The following PAK5 variants were observed in gnomAD, a reference collection of about 807,000 sequenced individuals.
PAK5 encodes the protein serine/threonine-protein kinase PAK 5.
In PAK5, 16 loss-of-function variants were observed where a neutral mutation model predicts 65.9. The observed-to-expected ratio is 0.24, with a 90% CI of 0.16 to 0.37. The LOEUF (loss-of-function observed/expected upper bound fraction) is 0.37. PAK5 is among the 10% of genes least tolerant of loss of function. The probability of loss-of-function intolerance (pLI) is 1.00; values close to 1 mark genes in which losing one functional copy is unlikely to be tolerated. For missense variants in PAK5, 785 were observed against 903.9 expected (o/e 0.87, Z 1.69); for synonymous variants, 371 against 354.9 (o/e 1.05, Z -0.51).
At chr20:9,619,582 T>C (rs570046818) in intron 3 of PAK5, among the ~76,000 whole-genome samples, 1 of 152,316 alleles carries the variant, frequency 6.6e-6, no homozygotes. Context: ...TATTTGAACA[T>C]TCCTAAAGAT....
At chr20:9,836,147 T>C (rs1569107203) in intron 1 of PAK5, among the ~76,000 whole-genome samples, 1 of 148,988 alleles carries the variant, frequency 6.7e-6, no homozygotes. Context: ...ATCTTTAAAG[T>C]ATTTTCTGAA....
rs1226027326 is a variant in PAK5 at position 9,544,405 on chromosome 20, G to T, written c.1833C>A (p.Ala611=). 1 of 1,613,882 alleles carries T rather than the reference G, an allele frequency of 6.2e-7. No homozygotes were observed. Among genetic ancestry groups the T allele is most frequent in the Non-Finnish European group, 8.5e-7 (1 of 1,179,924 alleles). Residue 611 remains alanine (A), a synonymous_variant, in exon 8 of 10, where the codon GCC becomes GCA. Transcript: ENST00000353224. ...AAGGTAGCCTAGAAATCACCTCAGG[G>T]GCCATCCAGTAGGGAGTGCCAACCA... The part of the protein sequence containing the change: ...KSLVGTPYWM[A]PEVISRLPYG...
chr20:9,785,094 T>C (rs968620331), intron 1 of PAK5, among the ~76,000 whole-genome samples: 1 of 152,100 alleles, frequency 6.6e-6, no homozygotes, highest in African/African-American at 2.4e-5. Context: ...TTGTATCAAG[T>C]TAAAACTTTA....
chr20:9,800,929 TG>T (rs2049162152), intron 1 of PAK5, among the ~76,000 whole-genome samples: 2 of 147,606 alleles, frequency 1.4e-5, no homozygotes, highest in Non-Finnish European at 3.0e-5. Flanking sequence ...AGCTAACTAG[TG>T]AAAGAAATAA....
chr20:9,713,102 AT>A (rs2048097571), intron 1 of PAK5, among the ~76,000 whole-genome samples: 1 of 152,098 alleles, frequency 6.6e-6, no homozygotes, highest in Admixed American at 6.6e-5. Context: ...GAGAGAAAAT[AT>A]TTGCAAACCA....
intron 2 of PAK5, among the ~76,000 whole-genome samples, chr20:9,681,832 T>C (rs555656661): frequency 6.6e-6 from 1 of 152,340 alleles, no homozygotes; most frequent in Non-Finnish European, 1.5e-5. Context: ...CTTAAATTTC[T>C]CCTTTTACTT....
intron 1 of PAK5, among the ~76,000 whole-genome samples, chr20:9,731,110 C>G (rs891674083): frequency 6.6e-6 from 1 of 151,946 alleles, no homozygotes; most frequent in African/African-American, 2.4e-5. Flanking sequence ...GAAACAAGCT[C>G]TAAAGTATCA....
intron 1 of PAK5, among the ~76,000 whole-genome samples, chr20:9,816,415 ATG>A (rs2035718246): frequency 6.6e-6 from 1 of 152,112 alleles, no homozygotes; most frequent in Admixed American, 6.6e-5. Flanking sequence ...ATTCCTGGGT[ATG>A]TCCATCGGAG....
intron 3 of PAK5, among the ~76,000 whole-genome samples, chr20:9,606,962 T>G (rs1207540342): frequency 6.6e-6 from 1 of 152,172 alleles, no homozygotes. Flanking sequence ...CAAAGAGACT[T>G]AAGAAAGCCA....
chr20:9,775,599 T>G (rs1486605330), intron 1 of PAK5, among the ~76,000 whole-genome samples: 9 of 152,204 alleles, frequency 5.9e-5, no homozygotes, highest in African/African-American at 9.6e-5. Flanking sequence ...AAGACCCTCA[T>G]TTTCAATTAG....
chr20:9,744,898 T>C (rs1438867677), intron 1 of PAK5, among the ~76,000 whole-genome samples: 1 of 152,186 alleles, frequency 6.6e-6, no homozygotes, highest in Non-Finnish European at 1.5e-5. Flanking sequence ...AATCAGCTCA[T>C]TTTAACTATA....
chr20:9,709,952 C>T (rs111290635), intron 2 of PAK5, among the ~76,000 whole-genome samples: 6 of 152,180 alleles, frequency 3.9e-5, no homozygotes, highest in African/African-American at 1.4e-4. Flanking sequence ...CCTCACTGCA[C>T]AGAGGATAAG....
chr20:9,759,924 T>C (rs146134301), intron 1 of PAK5, among the ~76,000 whole-genome samples: 12 of 152,304 alleles, frequency 7.9e-5, no homozygotes, highest in Middle Eastern at 3.4e-3. Flanking sequence ...TGTCAGCCAT[T>C]TAGTCAAATA....
At chr20:9,597,120 T>C (rs1487420518) in intron 3 of PAK5, among the ~76,000 whole-genome samples, 1 of 152,234 alleles carries the variant, frequency 6.6e-6, no homozygotes, top group Admixed American at 6.5e-5. Flanking sequence ...ATCTGGATTC[T>C]AGTGCAAGTT....
In PAK5 at chr20:9,539,489, G is replaced by C; in HGVS notation, c.2133C>G (p.Pro711=). 6.2e-7 allele frequency: 1 copy of C among 1,614,066 alleles called. No homozygotes were observed. Among genetic ancestry groups the C allele is most frequent in the Non-Finnish European group, 8.5e-7 (1 of 1,179,974 alleles). Residue 711 remains proline (P), a synonymous_variant, in exon 10 of 10, where the codon CCC becomes CCG. Transcript: ENST00000353224. ...AGTGATGCCTGTATTGTCTCATGAG[G>C]GGGACGATGCAAGACGGTGGACCTG... is the stretch of plus-strand genomic sequence containing the variant. ...KLAGPPSCIV[P]LMRQYRHH
intron 1 of PAK5, among the ~76,000 whole-genome samples, chr20:9,744,101 C>T (rs1271402422): frequency 6.6e-6 from 1 of 152,190 alleles, no homozygotes; most frequent in African/African-American, 2.4e-5. Context: ...AAGCAAGGAA[C>T]AGATGGTCTC....
chr20:9,578,961 G>T (rs1012157275), intron 4 of PAK5, among the ~76,000 whole-genome samples: 18 of 152,046 alleles, frequency 1.2e-4, no homozygotes, highest in African/African-American at 4.1e-4. Flanking sequence ...TTTATATCCT[G>T]GGAACTAAGG....
chr20:9,583,402 G>A (rs941365082), intron 3 of PAK5, among the ~76,000 whole-genome samples: 4 of 152,180 alleles, frequency 2.6e-5, no homozygotes. Context: ...TCTACCATGA[G>A]AAACAACTTT....
At chr20:9,809,450 C>T (rs1379849636) in intron 1 of PAK5, among the ~76,000 whole-genome samples, 1 of 151,156 alleles carries the variant, frequency 6.6e-6, no homozygotes, top group African/African-American at 2.4e-5. Flanking sequence ...ACCATGAGGC[C>T]ACAAGTATCT....
Sources: allele counts gnomAD v4.1 joint callset (sites outside exome capture counted in the v4.1 genomes callset), GRCh38; gene constraint gnomAD v4.1.1; transcripts MANE v1.5; gene names NCBI Gene and HGNC (gene_info 2026-07-23, HGNC 2026-07-21).